ATP8A1: variants seen among roughly 807,000 people sequenced by gnomAD.
ATP8A1 encodes phospholipid-transporting ATPase IA.
ATP8A1 carries 90 observed loss-of-function variants against 177.7 expected under a neutral mutation model. The ratio of observed to expected loss-of-function variants is 0.51; its 90% CI spans 0.43 to 0.60. The LOEUF (loss-of-function observed/expected upper bound fraction) is 0.60. ATP8A1 is among the 20% of genes least tolerant of loss of function. The pLI is 0.00. For missense variants in ATP8A1, 1,072 were observed against 1,392.8 expected, an observed-to-expected ratio of 0.77 and a Z score of 3.67; for synonymous variants, 493 against 485.9, an observed-to-expected ratio of 1.01 and a Z score of -0.19.
intron 20 of ATP8A1, among the ~76,000 whole-genome samples, chr4:42,527,639 TC>T (rs1490360010): frequency 2.0e-5 from 3 of 152,080 alleles, no homozygotes; most frequent in African/African-American, 7.2e-5. Flanking sequence ...TAGACTAAAG[TC>T]CCAGCGAGTC....
intron 1 of ATP8A1, among the ~76,000 whole-genome samples, chr4:42,636,156 A>ACGCGCGTGCG (rs1553920759): frequency 2.2e-5 from 2 of 90,898 alleles, no homozygotes; most frequent in African/African-American, 6.6e-5. Context: ...ACACACACAC[A>ACGCGCGTGCG]CGCACACACA....
chr4:42,551,249 T>C lies in ATP8A1; in HGVS notation c.1551A>G (p.Gln517=). The C allele has an allele frequency of 6.2e-7, 1 of 1,613,888 alleles. No homozygotes were observed. Among genetic ancestry groups the C allele is most frequent in the Non-Finnish European group, 8.5e-7 (1 of 1,179,900 alleles). ...DEGALVRAAK[Q]LNFVFTGRTP... is the part of the protein sequence containing the mutation. ...TTCTTCCAGTGAAAACAAAATTCAA[T>C]TGCTTGGCTGCTCTGACCAATGCTC... Residue 517 remains glutamine, a synonymous_variant, in exon 18 of 37, where the codon CAA becomes CAG. Coordinates refer to ENST00000381668, the MANE Select transcript of ATP8A1 (RefSeq NM_006095.2).
At chr4:42,641,861 G>A (rs1407810554) in intron 1 of ATP8A1, among the ~76,000 whole-genome samples, 1 of 152,178 alleles carries the variant, frequency 6.6e-6, no homozygotes, top group African/African-American at 2.4e-5. Flanking sequence ...TTTATTACAA[G>A]AAGCAGAAAC....
intron 5 of ATP8A1, among the ~76,000 whole-genome samples, chr4:42,609,529 C>A (rs545830389): frequency 6.6e-6 from 1 of 152,158 alleles, no homozygotes; most frequent in Admixed American, 6.6e-5. Context: ...CAACTCCTTG[C>A]GATCTGGCTT....
chr4:42,538,576 C>T (rs1259803325), intron 20 of ATP8A1, among the ~76,000 whole-genome samples: 1 of 152,044 alleles, frequency 6.6e-6, no homozygotes, highest in African/African-American at 2.4e-5. Flanking sequence ...AATAAACAAT[C>T]CCATCAAAAA....
intron 16 of ATP8A1, among the ~76,000 whole-genome samples, chr4:42,553,632 T>A (rs1043337309): frequency 1.8e-4 from 28 of 151,492 alleles, no homozygotes; most frequent in African/African-American, 6.8e-4. Flanking sequence ...AAAAAAAAAA[T>A]AATAATGTGA....
chr4:42,421,954 G>A (rs960447585), intron 35 of ATP8A1, among the ~76,000 whole-genome samples: 1 of 151,378 alleles, frequency 6.6e-6, no homozygotes, highest in Non-Finnish European at 1.5e-5. Context: ...TGGAGGGGGT[G>A]GTGTAAGGAA....
At chr4:42,594,073 A>G (rs1254225501) in intron 6 of ATP8A1, among the ~76,000 whole-genome samples, 1 of 152,142 alleles carries the variant, frequency 6.6e-6, no homozygotes, top group Non-Finnish European at 1.5e-5. Context: ...TCTTAATTAT[A>G]TTTGAATGAT....
intron 30 of ATP8A1, among the ~76,000 whole-genome samples, chr4:42,449,562 CAAAA>C (rs1488999136): frequency 6.6e-6 from 1 of 152,044 alleles, no homozygotes; most frequent in Non-Finnish European, 1.5e-5. Context: ...TTTCAGAAAT[CAAAA>C]AACAAAAGAA....
At chr4:42,596,554 C>A (rs1214508561) in intron 6 of ATP8A1, among the ~76,000 whole-genome samples, 1 of 151,114 alleles carries the variant, frequency 6.6e-6, no homozygotes, top group East Asian at 2.0e-4. Flanking sequence ...GTAATCCCAG[C>A]TACTCAGGAG....
chr4:42,560,520 C>T (rs1730708611), intron 15 of ATP8A1, among the ~76,000 whole-genome samples: 2 of 151,768 alleles, frequency 1.3e-5, no homozygotes, highest in Non-Finnish European at 2.9e-5. Context: ...AAAATAACAC[C>T]GTTTTGTTGT....
chr4:42,656,743 C>T, intron 1 of ATP8A1, 82 bp downstream of exon 1: 2 of 1,372,306 alleles, frequency 1.5e-6, no homozygotes, highest in Non-Finnish European at 9.6e-7. Context: ...AGGATGCGGT[C>T]TCTTCCAGGA....
At chr4:42,460,089 C>A (rs1297127929) in intron 27 of ATP8A1, among the ~76,000 whole-genome samples, 1 of 152,162 alleles carries the variant, frequency 6.6e-6, no homozygotes, top group Non-Finnish European at 1.5e-5. Flanking sequence ...CTGCGCCTGG[C>A]CTGTATTAGG....
Position 42,469,851 on chromosome 4 carries a change from C to CGT in ATP8A1, c.2325-4776_2325-4775insAC, listed in dbSNP as rs1553880821. Among the ~76,000 whole-genome samples, 8 of 151,982 alleles carry CGT rather than the reference C, an allele frequency of 5.3e-5. No homozygotes were observed. In the East Asian group the frequency reaches 1.5e-3, roughly 29 times the overall value. On this transcript the variant is annotated intron_variant, in intron 25 of 36. Coordinates refer to ENST00000381668, the MANE Select transcript of ATP8A1 (RefSeq NM_006095.2). ...CTTGCTTCTAGATTCATACAATTTC[C>CGT]ATGAGTCTAGAACTACCTTACCACA...
chr4:42,494,170 A>C lies in ATP8A1; in HGVS notation c.2152-8502T>G, dbSNP rs1175635671. Among the ~76,000 whole-genome samples the C allele has an allele frequency of 6.3e-3, 921 of 145,416 alleles. 23 individuals carry two copies. The highest frequency in any genetic ancestry group is 0.022 in the African/African-American group (867 of 38,648). ...GAGCCAAGATCATGCCACAAAAAAAAAAAAAAAAAAAAAAAAAAGAGGTCA... is the reference window on the plus strand; with the variant it reads ...GAGCCAAGATCATGCCACAAAAAAACAAAAAAAAAAAAAAAAAAGAGGTCA... On this transcript the variant is annotated intron_variant, in intron 24 of 36. Coordinates refer to ENST00000381668, the MANE Select transcript of ATP8A1 (RefSeq NM_006095.2).
chr4:42,623,266 AC>A (rs1205125454), intron 4 of ATP8A1, among the ~76,000 whole-genome samples: 2 of 152,166 alleles, frequency 1.3e-5, no homozygotes, highest in Non-Finnish European at 2.9e-5. Context: ...ATTAGTTTTG[AC>A]CATTGTGGAA....
chr4:42,437,317 C>T (rs1577929675), intron 33 of ATP8A1, among the ~76,000 whole-genome samples: 1 of 152,142 alleles, frequency 6.6e-6, no homozygotes, highest in East Asian at 1.9e-4. Flanking sequence ...TCAGTAACAT[C>T]ATTTAGACGA....
At chr4:42,515,567 A>G (rs1249909518) in intron 22 of ATP8A1, among the ~76,000 whole-genome samples, 1 of 152,192 alleles carries the variant, frequency 6.6e-6, no homozygotes, top group Non-Finnish European at 1.5e-5. Context: ...CCAAATGTCA[A>G]CCACGTTTTG....
chr4:42,571,577 A>G (rs1470089524), intron 14 of ATP8A1, among the ~76,000 whole-genome samples: 2 of 151,986 alleles, frequency 1.3e-5, no homozygotes, highest in African/African-American at 4.8e-5. Flanking sequence ...CCGGGTATTC[A>G]AGTAACTATT....
Sources: gnomAD v4.1 joint callset for allele counts (sites outside exome capture counted in the v4.1 genomes callset) on GRCh38, gnomAD v4.1.1 for gene constraint, MANE v1.5 for transcripts, NCBI Gene and HGNC (gene_info 2026-07-23, HGNC 2026-07-21) for gene names.